PCNX2: variants seen among roughly 807,000 people sequenced by gnomAD.
PCNX2 encodes the protein pecanex 2.
A neutral mutation model predicts 223.8 loss-of-function variants in PCNX2; 168 were observed. The ratio of observed to expected loss-of-function variants is 0.75; its 90% confidence interval spans 0.66 to 0.85. PCNX2 has a LOEUF of 0.85. Among genes scored for constraint, PCNX2 ranks in the 40% least tolerant of loss-of-function variants. The probability of loss-of-function intolerance (pLI) is 0.00; values close to 1 mark genes in which losing one functional copy is unlikely to be tolerated. For synonymous variants in PCNX2, 1,006 were observed against 1,052.6 expected (o/e 0.96, Z 0.86); for missense variants, 2,507 against 2,675.5 (o/e 0.94, Z 1.39).
At chr1:233,310,275 A>G in the PCNX2 span, among the ~76,000 whole-genome samples, 1 of 152,230 alleles carries the variant, frequency 6.6e-6, no homozygotes, top group African/African-American at 2.4e-5. Context: ...TGGTTCAAAA[A>G]ATAAGTAAAG....
chr1:233,194,460 G>T (rs534274224), intron 15 of PCNX2, among the ~76,000 whole-genome samples: 20 of 152,178 alleles, frequency 1.3e-4, no homozygotes, highest in Middle Eastern at 3.4e-3. Context: ...AATGTACATT[G>T]CAGAAATTAT....
Position 232,999,382 on chromosome 1 carries a change from G to T in PCNX2, c.5329-3C>A. The T allele has an allele frequency of 6.3e-7, 1 of 1,587,762 alleles. No individual in the cohort carries two copies. ...CCTCGGACGCATTCTTTGTTAACCT[G>T]CAGGTCAGAGAGGGAACGGGAAGAA... On this transcript the variant is annotated splice_region_variant and splice_polypyrimidine_tract_variant and intron_variant, in intron 30 of 33. Transcript: ENST00000258229.
At chr1:233,320,499 C>T in the PCNX2 span, among the ~76,000 whole-genome samples, 1 of 152,146 alleles carries the variant, frequency 6.6e-6, no homozygotes, top group Non-Finnish European at 1.5e-5. Flanking sequence ...CCTTTCCTCC[C>T]TTTCTCCTTC....
intron 28 of PCNX2, among the ~76,000 whole-genome samples, chr1:233,004,520 A>AAGT (rs1180112834): frequency 1.3e-5 from 2 of 151,900 alleles, no homozygotes; most frequent in African/African-American, 4.8e-5. Context: ...CACCTCTTAC[A>AAGT]ACCCTGGTCT....
chr1:233,192,979 T>G (rs1011101901), intron 15 of PCNX2, among the ~76,000 whole-genome samples: 1 of 148,108 alleles, frequency 6.8e-6, no homozygotes, highest in African/African-American at 2.5e-5. Context: ...TTAATTTGCA[T>G]TTATTATTTA....
the PCNX2 span, among the ~76,000 whole-genome samples, chr1:233,318,921 T>TA: frequency 3.9e-5 from 6 of 151,994 alleles, no homozygotes; most frequent in Non-Finnish European, 7.4e-5. Flanking sequence ...AGTCCCCACT[T>TA]ACGTTTCATC....
chr1:233,132,953 C>T (rs1309981406), intron 21 of PCNX2, among the ~76,000 whole-genome samples: 1 of 140,810 alleles, frequency 7.1e-6, no homozygotes, highest in Admixed American at 7.6e-5. Context: ...GGCTGGAGTG[C>T]AGTGGCGCAA....
chr1:233,282,456 C>T (rs1235891885), intron 1 of PCNX2, among the ~76,000 whole-genome samples: 1 of 152,198 alleles, frequency 6.6e-6, no homozygotes, highest in Non-Finnish European at 1.5e-5. Context: ...CTCCAAACTA[C>T]TATGTGTAAA....
intron 21 of PCNX2, among the ~76,000 whole-genome samples, chr1:233,107,645 A>G (rs1205711753): frequency 6.7e-6 from 1 of 149,822 alleles, no homozygotes; most frequent in African/African-American, 2.5e-5. Flanking sequence ...GCTGTAAAGC[A>G]TGTTTCTTCC....
At chr1:233,066,365 A>G (rs1672610534) in intron 23 of PCNX2, among the ~76,000 whole-genome samples, 1 of 152,216 alleles carries the variant, frequency 6.6e-6, no homozygotes, top group South Asian at 2.1e-4. Context: ...AGGCTTCCTG[A>G]GCCAGAGCTG....
chr1:232,984,316 T>G lies in PCNX2; in HGVS notation c.6402A>C (p.Ser2134=). 6.2e-7 allele frequency: 1 copy of G among 1,607,782 alleles called. No individual in the cohort carries two copies. The highest frequency in any genetic ancestry group is 8.5e-7 in the Non-Finnish European group (1 of 1,177,492). The part of the protein sequence containing the change: ...LDDTASQQSV[S]DEQ The stretch of plus-strand genomic sequence containing the variant: ...GGCCGCACGCCCGTCACTGCTCGTC[T>G]GACACACTTTGCTGCGAGGCCGTGT... The change falls in exon 34 of 34, where the codon TCA becomes TCC. Residue 2134 remains serine, a synonymous_variant. Transcript: ENST00000258229.
At chr1:233,163,801 T>C (rs1393947965) in intron 17 of PCNX2, among the ~76,000 whole-genome samples, 1 of 152,070 alleles carries the variant, frequency 6.6e-6, no homozygotes, top group Non-Finnish European at 1.5e-5. Context: ...ATAAAATATG[T>C]ATGGTCTGGC....
chr1:233,187,774 C>T (rs2102873171), intron 15 of PCNX2, among the ~76,000 whole-genome samples: 1 of 152,196 alleles, frequency 6.6e-6, no homozygotes, highest in South Asian at 2.1e-4. Flanking sequence ...TGGCTGAGAT[C>T]GGTTTCCCCT....
intron 17 of PCNX2, among the ~76,000 whole-genome samples, chr1:233,168,978 T>C (rs1678971442): frequency 6.6e-6 from 1 of 152,142 alleles, no homozygotes; most frequent in African/African-American, 2.4e-5. Context: ...TGTTCCTAAA[T>C]TTTATATAAA....
At chr1:233,235,957 A>AAAAAATATATATATATATATATATAT (rs369886650) in intron 9 of PCNX2, among the ~76,000 whole-genome samples, 39 of 93,084 alleles carry the variant, frequency 4.2e-4, no homozygotes, top group Non-Finnish European at 7.2e-4. Context: ...CATAAAAAAA[A>AAAAAATATATATATATATATATATAT]ATATATATAT....
rs753122170 is a variant in PCNX2 at position 232,990,591 on chromosome 1, G to C, written c.5792-4051C>G. ...CTGTAGTGTAAGTGGCTGAGGCCAG[G>C]AGGGGTAACCATCCACTCATTCGTC... On this transcript the variant is annotated intron_variant, in intron 32 of 33. Coordinates refer to ENST00000258229, the MANE Select transcript of PCNX2 (RefSeq NM_014801.4). The surrounding 1 kb of genome is among the most constrained non-coding windows in gnomAD (Gnocchi z 4.3). Among the ~76,000 whole-genome samples the C allele has an allele frequency of 1.1e-4, 16 of 152,306 alleles. No individual in the cohort carries two copies. The highest frequency in any genetic ancestry group is 8.3e-4 in the South Asian group (4 of 4,824).
chr1:233,025,493 AG>A, intron 25 of PCNX2, 94 bp from the exon 26 acceptor site: 1 of 1,494,202 alleles, frequency 6.7e-7, no homozygotes. Context: ...AGAGGGGAAG[AG>A]GCTGAAGGGA....
the PCNX2 span, among the ~76,000 whole-genome samples, chr1:233,325,601 A>G: frequency 3.1e-4 from 47 of 152,002 alleles, no homozygotes; most frequent in Admixed American, 3.0e-3. Flanking sequence ...CCGCGAACCC[A>G]GGAGGCGGAG....
rs748940566 is a variant in PCNX2 at position 233,263,055 on chromosome 1, C to G, written c.262G>C (p.Gly88Arg). The change falls in exon 2 of 34, where the codon GGA (glycine) becomes CGA (arginine). Residue 88 changes from glycine (G) to arginine (R), a missense_variant. Gly to Arg is a moderately radical substitution (Grantham distance 125). Transcript: ENST00000258229. ...SYRLHLMFDKGEVIQQKPSRK... is the reference protein window; with the variant it reads ...SYRLHLMFDKREVIQQKPSRK... ...GAGGGCTTTTGCTGAATTACTTCTCCTTTGTCAAACATGAGGTGTAGGCGA... is the reference window on the plus strand; with the variant it reads ...GAGGGCTTTTGCTGAATTACTTCTCGTTTGTCAAACATGAGGTGTAGGCGA... 4 of 1,613,676 alleles carry G rather than the reference C, an allele frequency of 2.5e-6. No individual in the cohort carries two copies. The highest frequency in any genetic ancestry group is 3.4e-6 in the Non-Finnish European group (4 of 1,179,780).
Sources: allele counts gnomAD v4.1 joint callset (sites outside exome capture counted in the v4.1 genomes callset), GRCh38; gene constraint gnomAD v4.1.1; non-coding constraint Gnocchi (gnomAD v3.1); transcripts MANE v1.5; gene names NCBI Gene and HGNC (gene_info 2026-07-23, HGNC 2026-07-21).